The following PRKG1 variants were observed in gnomAD, a reference collection of about 807,000 sequenced individuals.
PRKG1 encodes protein kinase cGMP-dependent 1.
Under a neutral mutation model 88.1 loss-of-function variants are expected in PRKG1, and 35 were observed. The ratio of observed to expected loss-of-function variants is 0.40; its 90% confidence interval spans 0.30 to 0.53. The LOEUF is 0.53. PRKG1 is among the 20% of genes least tolerant of loss of function. PRKG1 has a pLI of 0.59. For missense variants in PRKG1, 540 were observed against 839.8 expected (o/e 0.64, Z 4.41); for synonymous variants, 303 against 292.5 (o/e 1.04, Z -0.37).
intron 5 of PRKG1, among the ~76,000 whole-genome samples, chr10:52,036,052 T>A (rs902223432): frequency 5.9e-5 from 9 of 152,270 alleles, no homozygotes; most frequent in African/African-American, 2.2e-4. Context: ...CGTGTGTTTT[T>A]ATGAGAATTA....
chr10:52,212,361 G>A (rs942484837), intron 9 of PRKG1, among the ~76,000 whole-genome samples: 1 of 151,942 alleles, frequency 6.6e-6, no homozygotes, highest in Non-Finnish European at 1.5e-5. Flanking sequence ...AAACCTTTAG[G>A]GTGAACTTAA....
At chr10:51,896,116 C>T (rs1472001556) in intron 4 of PRKG1, among the ~76,000 whole-genome samples, 2 of 152,086 alleles carry the variant, frequency 1.3e-5, no homozygotes, top group Admixed American at 6.6e-5. Flanking sequence ...AAGGCTGGTA[C>T]TCCAAATCAA....
rs1350770617 is a variant in PRKG1 at position 52,243,744 on chromosome 10, T to C, written c.1077-7826T>C. Among the ~76,000 whole-genome samples the C allele has an allele frequency of 3.3e-5, 5 of 152,128 alleles. No individual in the cohort carries two copies. In the South Asian group the frequency reaches 1.0e-3, roughly 32 times the overall value. On this transcript the variant is annotated intron_variant, in intron 9 of 17. Coordinates refer to ENST00000373980, the MANE Select transcript of PRKG1 (RefSeq NM_006258.4). ...TTCACAAAGAATCAGCCAGGATAAA[T>C]TAAATAAGAGAGATTTTAAAGTCGT...
At chr10:51,567,820 C>T (rs1486515325) in intron 3 of PRKG1, among the ~76,000 whole-genome samples, 1 of 152,056 alleles carries the variant, frequency 6.6e-6, no homozygotes, top group Non-Finnish European at 1.5e-5. Flanking sequence ...CTCCTGACCT[C>T]AGGTGATCTG....
intron 2 of PRKG1, among the ~76,000 whole-genome samples, chr10:51,439,608 T>C (rs1010910205): frequency 6.6e-6 from 1 of 151,878 alleles, no homozygotes; most frequent in East Asian, 1.9e-4. Context: ...TCAAAAAGTA[T>C]AGAAGTAGCA....
intron 2 of PRKG1, among the ~76,000 whole-genome samples, chr10:51,298,463 C>G (rs140140095): frequency 2.0e-4 from 30 of 152,254 alleles, no homozygotes; most frequent in African/African-American, 7.2e-4. Context: ...CCTTTTTCAA[C>G]AGTGTTGCTG....
chr10:51,031,962 A>G (rs986645727), intron 1 of PRKG1, among the ~76,000 whole-genome samples: 4 of 152,232 alleles, frequency 2.6e-5, no homozygotes, highest in Admixed American at 6.5e-5. Flanking sequence ...GCAATATAGC[A>G]TATCATTTAT....
chr10:51,257,223 G>A (rs939663263), intron 2 of PRKG1, among the ~76,000 whole-genome samples: 1 of 147,404 alleles, frequency 6.8e-6, no homozygotes, highest in African/African-American at 2.5e-5. Flanking sequence ...GTTTTGGTTT[G>A]CAGCATCAGT....
chr10:51,835,355 A>G (rs559196854), intron 4 of PRKG1, among the ~76,000 whole-genome samples: 1 of 152,312 alleles, frequency 6.6e-6, no homozygotes, highest in South Asian at 2.1e-4. Context: ...TGGCATTTCT[A>G]AAGAGCACAT....
chr10:52,023,518 T>G (rs554404471), intron 5 of PRKG1, among the ~76,000 whole-genome samples: 1 of 152,354 alleles, frequency 6.6e-6, no homozygotes, highest in Admixed American at 6.5e-5. Context: ...TTGAATTAGT[T>G]TACAGTCCCA....
rs146371106 is a variant in PRKG1, at chr10:51,982,103, T to C, written c.763-72381T>C. 2.1e-4 allele frequency among the ~76,000 whole-genome samples: 32 copies of C among 152,376 alleles called. No homozygotes were observed. The South Asian group carries it at 6.4e-3, about 31-fold the overall frequency. Reference sequence around the variant, plus strand: ...ATTTTTTCCTCAGCTTGGTCTATTCTGCTATTAATACTTGTGATTGCATTA... The same window carrying C: ...ATTTTTTCCTCAGCTTGGTCTATTCCGCTATTAATACTTGTGATTGCATTA... On this transcript the variant is annotated intron_variant, in intron 5 of 17. Transcript: ENST00000373980.
intron 3 of PRKG1, among the ~76,000 whole-genome samples, chr10:51,494,465 G>C (rs918266021): frequency 1.3e-5 from 2 of 152,182 alleles, no homozygotes; most frequent in African/African-American, 4.8e-5. Context: ...TGATAGTAGG[G>C]AAGTTTTAGG....
chr10:51,918,342 T>TA (rs201994097), intron 5 of PRKG1, among the ~76,000 whole-genome samples: 136 of 150,116 alleles, frequency 9.1e-4, no homozygotes, highest in South Asian at 3.4e-3. Context: ...TATTTTTTTT[T>TA]TATTTTTTTT....
chr10:51,832,400 A>G (rs191565361), intron 4 of PRKG1, among the ~76,000 whole-genome samples: 1 of 152,358 alleles, frequency 6.6e-6, no homozygotes, highest in African/African-American at 2.4e-5. Flanking sequence ...GGCAAAAATT[A>G]TCTGTAAAAA....
At chr10:52,130,884 A>G (rs9971269) in intron 7 of PRKG1, among the ~76,000 whole-genome samples, 50,604 of 152,088 alleles carry the variant, frequency 0.33, 8,756 homozygotes, top group African/African-American at 0.42. Flanking sequence ...TAGAGCCTCC[A>G]CAGAGACAAC....
chr10:51,897,873 T>C (rs1020196826), intron 4 of PRKG1, among the ~76,000 whole-genome samples: 5 of 152,158 alleles, frequency 3.3e-5, no homozygotes, highest in African/African-American at 1.2e-4. Context: ...AAGGATTTTT[T>C]TTTTTCATGT....
At chr10:51,541,770 T>A (rs1343045749) in intron 3 of PRKG1, among the ~76,000 whole-genome samples, 1 of 152,192 alleles carries the variant, frequency 6.6e-6, no homozygotes, top group African/African-American at 2.4e-5. Context: ...TAGAATAGAT[T>A]AGTCTTCAAA....
chr10:51,175,468 T>C (rs1172239895), intron 2 of PRKG1, among the ~76,000 whole-genome samples: 2 of 152,058 alleles, frequency 1.3e-5, no homozygotes, highest in South Asian at 2.1e-4. Flanking sequence ...TTATCTTCAA[T>C]TTATTTTCAA....
intron 2 of PRKG1, among the ~76,000 whole-genome samples, chr10:51,244,300 CT>C (rs1293452270): frequency 2.1e-5 from 3 of 143,740 alleles, no homozygotes; most frequent in Admixed American, 2.1e-4. Context: ...GGAATATTCC[CT>C]TTCTTCCTTT....
Sources: allele counts gnomAD v4.1 joint callset (sites outside exome capture counted in the v4.1 genomes callset), GRCh38; gene constraint gnomAD v4.1.1; transcripts MANE v1.5; gene names NCBI Gene and HGNC (gene_info 2026-07-23, HGNC 2026-07-21).